TRDN: variants seen among roughly 807,000 people sequenced by gnomAD.
TRDN encodes triadin.
A neutral mutation model predicts 149.7 loss-of-function variants in TRDN; 161 were observed. The ratio of observed to expected loss-of-function variants is 1.08; its 90% CI spans 0.95 to 1.23. The LOEUF (loss-of-function observed/expected upper bound fraction) is 1.23. Ranked by LOEUF, TRDN falls within the 50% of genes most tolerant of loss-of-function variation. TRDN has a pLI of 0.00. For synonymous variants in TRDN, 294 were observed against 250.5 expected (o/e 1.17, Z -1.64); for missense variants, 896 against 823.5 (o/e 1.09, Z -1.08).
At chr6:123,340,930 A>T (rs1780042687) in intron 21 of TRDN, among the ~76,000 whole-genome samples, 3 of 152,026 alleles carry the variant, frequency 2.0e-5, no homozygotes, top group Non-Finnish European at 4.4e-5. Context: ...GTTATTTAAT[A>T]GTGATTAATT....
Position 123,254,370 on chromosome 6 carries a change from A to G in TRDN, c.1951+711T>C, listed in dbSNP as rs983272562. Among the ~76,000 whole-genome samples the G allele has an allele frequency of 1.3e-5, 2 of 152,118 alleles. 1 individual carries two copies. The highest frequency in any genetic ancestry group is 2.9e-5 in the Non-Finnish European group (2 of 67,974). ...TTCAGGGATACACATTTCAGTGAGC[A>G]GTAAAAGGGAGTCAGTGAAAAACAA... On this transcript the variant is annotated intron_variant, in intron 37 of 40. Transcript: ENST00000334268.
chr6:123,505,445 G>A (rs1370548923), intron 7 of TRDN, among the ~76,000 whole-genome samples: 5 of 151,832 alleles, frequency 3.3e-5, no homozygotes, highest in African/African-American at 7.3e-5. Flanking sequence ...AATTGACTAC[G>A]CCAGCACTTC....
intron 33 of TRDN, among the ~76,000 whole-genome samples, chr6:123,261,123 A>C (rs182921590): frequency 2.6e-5 from 4 of 151,974 alleles, no homozygotes; most frequent in Non-Finnish European, 4.4e-5. Context: ...CAAGTTAAAA[A>C]TAAAATAAAA....
chr6:123,370,369 T>C (rs542544352), intron 19 of TRDN, among the ~76,000 whole-genome samples: 158 of 152,240 alleles, frequency 1.0e-3, no homozygotes, highest in African/African-American at 3.7e-3. Context: ...TAAACTGTAT[T>C]ATTTAATTTG....
intron 20 of TRDN, among the ~76,000 whole-genome samples, chr6:123,356,513 A>ATATG (rs1312905684): frequency 7.0e-5 from 1 of 14,236 alleles, no homozygotes; most frequent in African/African-American, 2.7e-4. Context: ...TTATATATAT[A>ATATG]TATATATATA....
chr6:123,459,621 A>G (rs1037565008), intron 10 of TRDN, among the ~76,000 whole-genome samples: 2 of 152,178 alleles, frequency 1.3e-5, no homozygotes, highest in African/African-American at 4.8e-5. Context: ...TACTATATTC[A>G]TTAAACTCTT....
At chr6:123,441,443 T>C (rs1774882684) in intron 10 of TRDN, among the ~76,000 whole-genome samples, 1 of 152,206 alleles carries the variant, frequency 6.6e-6, no homozygotes, top group Non-Finnish European at 1.5e-5. Context: ...TAAATGTATC[T>C]ACAGGATGTG....
chr6:123,337,455 A>C (rs1779914171), intron 22 of TRDN, among the ~76,000 whole-genome samples, 164 bp downstream of exon 22: 1 of 152,052 alleles, frequency 6.6e-6, no homozygotes, highest in African/African-American at 2.4e-5. Context: ...GAGAAGAAAT[A>C]ATTTTAGAGA....
At chr6:123,268,104 G>A (rs937117888) in intron 31 of TRDN, among the ~76,000 whole-genome samples, 25 of 152,132 alleles carry the variant, frequency 1.6e-4, no homozygotes, top group Admixed American at 1.4e-3. Context: ...ATTTTTAGTG[G>A]ATGGTATTTG....
intron 1 of TRDN, among the ~76,000 whole-genome samples, chr6:123,621,721 A>C (rs1236639073): frequency 6.6e-6 from 1 of 152,138 alleles, no homozygotes; most frequent in Non-Finnish European, 1.5e-5. Context: ...TAGCATAACT[A>C]TGTTGTTTAT....
At chr6:123,290,931 C>T (rs1777989394) in intron 24 of TRDN, among the ~76,000 whole-genome samples, 1 of 151,754 alleles carries the variant, frequency 6.6e-6, no homozygotes, top group Non-Finnish European at 1.5e-5. Context: ...CTGAGGCAGG[C>T]AGATCACTTA....
intron 9 of TRDN, among the ~76,000 whole-genome samples, chr6:123,486,697 T>A (rs150851449): frequency 1.4e-4 from 21 of 152,156 alleles, no homozygotes; most frequent in African/African-American, 4.8e-4. Context: ...AATTTTTTTC[T>A]GGATGTTTGT....
chr6:123,464,958 G>A lies in TRDN; in HGVS notation c.879C>T (p.Pro293=), dbSNP rs1215229952. Residue 293 remains proline, a synonymous_variant, in exon 10 of 41, where the codon CCC becomes CCT. Transcript: ENST00000334268. ...GTCTGGAAGCTTGTTCTGTCGGTAA[G>A]GGAGGTGGAATGGCTGGGCTTTGTC... ...KPGQSPAIPP[P]LPTEQASRPT... is the part of the protein sequence containing the mutation. The A allele has an allele frequency of 1.3e-6, 2 of 1,599,662 alleles. No individual in the cohort carries two copies. The highest frequency in any genetic ancestry group is 1.7e-5 in the Admixed American group (1 of 57,782).
At chr6:123,636,271 A>G (rs1224964434) in intron 1 of TRDN, among the ~76,000 whole-genome samples, 2 of 152,002 alleles carry the variant, frequency 1.3e-5, no homozygotes, top group African/African-American at 2.4e-5. Context: ...AGGAAAGGAA[A>G]AACAAATTTA....
At chr6:123,598,927 G>T (rs1784156381) in intron 1 of TRDN, among the ~76,000 whole-genome samples, 1 of 152,014 alleles carries the variant, frequency 6.6e-6, no homozygotes, top group African/African-American at 2.4e-5. Context: ...GAGGCATATG[G>T]CACAGGAAAT....
intron 23 of TRDN, among the ~76,000 whole-genome samples, chr6:123,326,246 A>AT (rs1231404727): frequency 2.0e-5 from 3 of 152,082 alleles, no homozygotes; most frequent in East Asian, 1.9e-4. Context: ...CAACCCAAAT[A>AT]TTTTTTCTGA....
chr6:123,280,652 C>CTTTTTTTTTTTTTTTT (rs34195939), intron 24 of TRDN, among the ~76,000 whole-genome samples: 2 of 135,538 alleles, frequency 1.5e-5, no homozygotes, highest in Non-Finnish European at 3.1e-5. Context: ...TCTTTTCTTT[C>CTTTTTTTTTTTTTTTT]TTTTTTTTTT....
chr6:123,372,780 G>A (rs1365037252), intron 19 of TRDN, among the ~76,000 whole-genome samples: 1 of 151,426 alleles, frequency 6.6e-6, no homozygotes, highest in Non-Finnish European at 1.5e-5. Flanking sequence ...ACATCTACTT[G>A]TTGTGTCCTC....
At chr6:123,556,594 TTCC>T (rs202215817) in intron 2 of TRDN, among the ~76,000 whole-genome samples, 5 of 150,728 alleles carry the variant, frequency 3.3e-5, no homozygotes, top group Non-Finnish European at 2.9e-5. Flanking sequence ...CTTTCTCTTC[TTCC>T]TCCTCCTCCT....
Sources: allele counts gnomAD v4.1 joint callset (sites outside exome capture counted in the v4.1 genomes callset), GRCh38; gene constraint gnomAD v4.1.1; transcripts MANE v1.5; gene names NCBI Gene and HGNC (gene_info 2026-07-23, HGNC 2026-07-21).